Variants in PCDH15 observed in about 807,000 individuals in gnomAD.
PCDH15 encodes protocadherin related 15, also known as protocadherin-15.
A neutral mutation model predicts 178.5 loss-of-function variants in PCDH15; 129 were observed. The observed-to-expected ratio is 0.72, with a 90% CI of 0.63 to 0.84. The LOEUF is 0.84. PCDH15 is among the 40% of genes least tolerant of loss of function. The pLI is 0.00. For synonymous variants in PCDH15, 800 were observed against 732.0 expected, an observed-to-expected ratio of 1.09 and a Z score of -1.50; for missense variants, 2,230 against 2,099.9, an observed-to-expected ratio of 1.06 and a Z score of -1.21.
At chr10:54,696,664 T>C (rs1346831331) in intron 1 of PCDH15, among the ~76,000 whole-genome samples, 1 of 150,894 alleles carries the variant, frequency 6.6e-6, no homozygotes, top group Non-Finnish European at 1.5e-5. Context: ...AAAGATTCTT[T>C]CAAATCAGAA....
chr10:53,851,708 A>G (rs1413672344), intron 28 of PCDH15, among the ~76,000 whole-genome samples: 1 of 135,218 alleles, frequency 7.4e-6, no homozygotes, highest in African/African-American at 2.7e-5. Context: ...ATATATATAT[A>G]TATATATATA....
intron 16 of PCDH15, among the ~76,000 whole-genome samples, chr10:54,088,904 C>G (rs1421024536): frequency 6.6e-6 from 1 of 151,766 alleles, no homozygotes; most frequent in Admixed American, 6.6e-5. Context: ...TATCTTTATG[C>G]TAATACTACA....
chr10:54,833,392 C>A (rs1384795421), intron 3 of PCDH15, among the ~76,000 whole-genome samples: 2 of 152,160 alleles, frequency 1.3e-5, no homozygotes, highest in Non-Finnish European at 2.9e-5. Context: ...AAGCAGATTA[C>A]CCTCCACAAA....
chr10:54,690,215 G>A (rs764677892), intron 1 of PCDH15, among the ~76,000 whole-genome samples: 1 of 151,456 alleles, frequency 6.6e-6, no homozygotes, highest in African/African-American at 2.4e-5. Flanking sequence ...CACTGCCAGT[G>A]TATAAAAATA....
At chr10:54,926,246 C>G (rs1837623065) in intron 2 of PCDH15, among the ~76,000 whole-genome samples, 1 of 152,016 alleles carries the variant, frequency 6.6e-6, no homozygotes, top group African/African-American at 2.4e-5. Flanking sequence ...TAATGACTTA[C>G]ATGTATTGAT....
chr10:54,019,011 A>G (rs1163420633), intron 20 of PCDH15, among the ~76,000 whole-genome samples: 1 of 152,080 alleles, frequency 6.6e-6, no homozygotes, highest in African/African-American at 2.4e-5. Flanking sequence ...GATATACTCT[A>G]TAGGCTTCTT....
chr10:53,918,817 G>A (rs969668752), intron 25 of PCDH15, among the ~76,000 whole-genome samples: 1 of 151,792 alleles, frequency 6.6e-6, no homozygotes. Flanking sequence ...GGCAAAATTA[G>A]TGGTTTAAAA....
intron 1 of PCDH15, among the ~76,000 whole-genome samples, chr10:55,226,008 T>C (rs942824000): frequency 2.7e-4 from 41 of 151,990 alleles, no homozygotes; most frequent in African/African-American, 9.9e-4. Flanking sequence ...TGAGTTAGAG[T>C]TCTGTCTCTA....
rs186649590 is a variant in PCDH15 at position 55,456,467 on chromosome 10, A to G, written c.-156+171158T>C. On this transcript the variant is annotated intron_variant, in intron 2 of 5. Transcript: ENST00000613346. ...TTCTGTGTTAAACGTCTCATAAATAATGCAACTGTTGAATTCACCAACTCT... is the reference window on the plus strand; with the variant it reads ...TTCTGTGTTAAACGTCTCATAAATAGTGCAACTGTTGAATTCACCAACTCT... Among the ~76,000 whole-genome samples, 317 of 152,224 alleles carry G rather than the reference A, an allele frequency of 2.1e-3. 2 individuals carry two copies. Among genetic ancestry groups the G allele is most frequent in the African/African-American group, 5.2e-3 (216 of 41,558 alleles).
chr10:54,027,328 A>G (rs538314619), intron 18 of PCDH15, among the ~76,000 whole-genome samples: 1,904 of 148,428 alleles, frequency 0.013, 37 homozygotes, highest in South Asian at 0.063. Flanking sequence ...ATGCTCATGG[A>G]TAGGAAGAAT....
upstream of PCDH15, among the ~76,000 whole-genome samples, chr10:55,322,804 T>G (rs201113397): frequency 2.3e-4 from 33 of 145,144 alleles, no homozygotes; most frequent in African/African-American, 3.1e-4. Flanking sequence ...AAAAAAAAAA[T>G]GGGGGGGGAG....
intron 3 of PCDH15, among the ~76,000 whole-genome samples, chr10:54,406,853 A>G (rs183689750): frequency 6.0e-4 from 92 of 152,294 alleles, no homozygotes; most frequent in African/African-American, 2.1e-3. Context: ...ATGAAACAAC[A>G]CAGTAAGAAA....
At chr10:55,458,412 ACTTCT>A (rs550202157) in intron 2 of PCDH15, among the ~76,000 whole-genome samples, 125 of 152,128 alleles carry the variant, frequency 8.2e-4, no homozygotes, top group African/African-American at 2.8e-3. Flanking sequence ...AAGGCAATTA[ACTTCT>A]CTTATCTATA....
intron 32 of PCDH15, chr10:53,823,456 TAAAAACATC>T: frequency 8.7e-7 from 1 of 1,144,926 alleles, no homozygotes; most frequent in Non-Finnish European, 1.3e-6. Context: ...ATTAAATACT[TAAAAACATC>T]AAAGGCCAAA....
At chr10:54,238,549 G>A (rs370279942) in intron 8 of PCDH15, among the ~76,000 whole-genome samples, 3 of 151,668 alleles carry the variant, frequency 2.0e-5, no homozygotes, top group Non-Finnish European at 4.4e-5. Flanking sequence ...TCCTTTAAAC[G>A]TGGAATCAGA....
At chr10:54,716,186 C>T (rs2132427475) in intron 1 of PCDH15, among the ~76,000 whole-genome samples, 1 of 152,200 alleles carries the variant, frequency 6.6e-6, no homozygotes, top group East Asian at 1.9e-4. Context: ...TTGGATCTTT[C>T]CTAAGGAGGA....
intron 18 of PCDH15, among the ~76,000 whole-genome samples, chr10:54,042,722 C>T (rs971479513): frequency 6.6e-6 from 1 of 152,078 alleles, no homozygotes; most frequent in African/African-American, 2.4e-5. Flanking sequence ...GGATTCTGTT[C>T]TAACACAATG....
intron 2 of PCDH15, among the ~76,000 whole-genome samples, chr10:55,503,573 A>C (rs1840700775): frequency 1.3e-5 from 2 of 151,262 alleles, no homozygotes; most frequent in Non-Finnish European, 3.0e-5. Context: ...AGATAATTTT[A>C]AACTATTGGT....
intron 15 of PCDH15, among the ~76,000 whole-genome samples, chr10:54,094,319 G>A (rs1043543760): frequency 4.6e-5 from 7 of 152,260 alleles, no homozygotes; most frequent in Admixed American, 2.0e-4. Flanking sequence ...ATCTTTATAC[G>A]CGTTGCTCAA....
Sources: allele counts gnomAD v4.1 joint callset (sites outside exome capture counted in the v4.1 genomes callset), GRCh38; gene constraint gnomAD v4.1.1; transcripts MANE v1.5; gene names NCBI Gene and HGNC (gene_info 2026-07-23, HGNC 2026-07-21).